The following LRP1B variants were observed in gnomAD, a reference collection of about 807,000 sequenced individuals.
The protein encoded by LRP1B is low-density lipoprotein receptor-related protein 1B.
Under a neutral mutation model 556.6 loss-of-function variants are expected in LRP1B, and 217 were observed. The ratio of observed to expected loss-of-function variants is 0.39; its 90% CI spans 0.35 to 0.44. The LOEUF is 0.44. Among genes scored for constraint, LRP1B ranks in the 20% least tolerant of loss-of-function variants. The probability of loss-of-function intolerance (pLI) is 1.00; values close to 1 mark genes in which losing one functional copy is unlikely to be tolerated. For missense variants in LRP1B, 5,053 were observed against 5,620.8 expected, an observed-to-expected ratio of 0.90 and a Z score of 3.23; for synonymous variants, 2,047 against 1,865.8, an observed-to-expected ratio of 1.10 and a Z score of -2.50.
At chr2:141,329,676 C>T (rs1687570652) in intron 3 of LRP1B, among the ~76,000 whole-genome samples, 1 of 119,260 alleles carries the variant, frequency 8.4e-6, no homozygotes, top group Admixed American at 7.8e-5. Context: ...CTATCTCTCT[C>T]TCTATCTATC....
At chr2:140,430,937 C>T (rs1434591231) in intron 66 of LRP1B, among the ~76,000 whole-genome samples, 1 of 152,158 alleles carries the variant, frequency 6.6e-6, no homozygotes, top group Admixed American at 6.6e-5. Context: ...CTCACATGCC[C>T]TGAGTCAGAA....
intron 72 of LRP1B, among the ~76,000 whole-genome samples, chr2:140,361,933 C>T (rs1682535527): frequency 6.6e-6 from 1 of 151,562 alleles, no homozygotes; most frequent in Non-Finnish European, 1.5e-5. Context: ...TCTTTACTTG[C>T]AAAACTGTTC....
At chr2:141,708,685 T>TGTCCTA (rs1692240641) in intron 2 of LRP1B, among the ~76,000 whole-genome samples, 1 of 81,622 alleles carries the variant, frequency 1.2e-5, no homozygotes, top group African/African-American at 5.2e-5. Context: ...TGTATTTTTA[T>TGTCCTA]GCATCAGAAT....
intron 1 of LRP1B, among the ~76,000 whole-genome samples, chr2:141,902,240 A>C (rs1420423013): frequency 6.6e-6 from 1 of 151,728 alleles, no homozygotes; most frequent in Non-Finnish European, 1.5e-5. Flanking sequence ...ATTTCCACAA[A>C]TTTGTCAATA....
intron 9 of LRP1B, among the ~76,000 whole-genome samples, chr2:141,055,921 A>T (rs1699168280): frequency 6.6e-6 from 1 of 151,608 alleles, no homozygotes; most frequent in African/African-American, 2.4e-5. Flanking sequence ...CTACTAAAGA[A>T]AAAAGGTAAG....
chr2:140,315,749 T>A (rs537052813), intron 82 of LRP1B, among the ~76,000 whole-genome samples: 7 of 152,200 alleles, frequency 4.6e-5, no homozygotes, highest in Non-Finnish European at 8.8e-5. Context: ...ATTTATAGCA[T>A]ATGCACACAC....
chr2:140,932,871 C>T (rs1440887310), intron 20 of LRP1B, among the ~76,000 whole-genome samples: 5 of 113,136 alleles, frequency 4.4e-5, no homozygotes, highest in African/African-American at 1.6e-4. Flanking sequence ...GTGAGACACT[C>T]TCTCTCTCTC....
chr2:141,681,482 A>G (rs1031021356), intron 2 of LRP1B, among the ~76,000 whole-genome samples: 2 of 148,160 alleles, frequency 1.3e-5, no homozygotes, highest in Non-Finnish European at 3.0e-5. Flanking sequence ...TCATCATTTT[A>G]TCATTCAATA....
chr2:141,108,406 T>A (rs1171866788), intron 7 of LRP1B, among the ~76,000 whole-genome samples: 3 of 129,848 alleles, frequency 2.3e-5, no homozygotes, highest in Non-Finnish European at 4.7e-5. Context: ...TGGAGTGCAA[T>A]GGCACAATCT....
intron 11 of LRP1B, among the ~76,000 whole-genome samples, chr2:141,046,669 T>C (rs1279769364): frequency 6.6e-6 from 1 of 152,114 alleles, no homozygotes; most frequent in Non-Finnish European, 1.5e-5. Flanking sequence ...GAACCACCAA[T>C]GTCCTTGATA....
chr2:141,100,529 T>C (rs2104937351), intron 7 of LRP1B, among the ~76,000 whole-genome samples: 1 of 152,320 alleles, frequency 6.6e-6, no homozygotes, highest in East Asian at 1.9e-4. Flanking sequence ...AAGAAGTTAT[T>C]CTTTCTTACC....
chr2:141,701,404 C>G (rs1691933926), intron 2 of LRP1B, among the ~76,000 whole-genome samples: 1 of 151,832 alleles, frequency 6.6e-6, no homozygotes, highest in African/African-American at 2.4e-5. Context: ...CTAAGCATCA[C>G]AAGAACAACT....
At chr2:142,120,115 T>TCTTG (rs57762000) in intron 1 of LRP1B, among the ~76,000 whole-genome samples, 81,205 of 151,856 alleles carry the variant, frequency 0.53, 22,148 homozygotes, top group East Asian at 0.69. Flanking sequence ...CTACAGGTTT[T>TCTTG]TTTGTTTGTT....
intron 1 of LRP1B, among the ~76,000 whole-genome samples, chr2:141,944,837 T>A (rs781705124): frequency 3.4e-4 from 51 of 152,098 alleles, no homozygotes; most frequent in Admixed American, 6.6e-4. Context: ...TGCCCTTTCT[T>A]CTCCCTCTAA....
chr2:141,294,572 A>T (rs1686109177), intron 3 of LRP1B, among the ~76,000 whole-genome samples: 1 of 151,664 alleles, frequency 6.6e-6, no homozygotes, highest in African/African-American at 2.4e-5. Context: ...AAAAAAAAAT[A>T]AAGTAAAATA....
At chr2:141,728,559 C>A (rs1693138549) in intron 2 of LRP1B, among the ~76,000 whole-genome samples, 1 of 152,070 alleles carries the variant, frequency 6.6e-6, no homozygotes, top group Admixed American at 6.6e-5. Flanking sequence ...AAACTGTAGA[C>A]TGAATCACCA....
At position 141,155,665 on chromosome 2, in the gene LRP1B, T is replaced by C. The variant is rs114450284; in HGVS notation, c.1013+32756A>G. Among the ~76,000 whole-genome samples, 481 of 152,030 alleles carry C rather than the reference T, an allele frequency of 3.2e-3. 2 individuals carry two copies. Among genetic ancestry groups the C allele is most frequent in the African/African-American group, 0.011 (457 of 41,500 alleles). ...TGAAACCCTAAGGAAAAATTGGATT[T>C]GCAGCTGCAAAGACAAATTTATTAC... is the stretch of plus-strand genomic sequence containing the variant. On this transcript the variant is annotated intron_variant, in intron 7 of 90. Transcript: ENST00000389484.
chr2:141,042,458 T>G (rs1698729936), intron 11 of LRP1B, among the ~76,000 whole-genome samples: 1 of 152,102 alleles, frequency 6.6e-6, no homozygotes, highest in Non-Finnish European at 1.5e-5. Flanking sequence ...AGTAATAAAC[T>G]GTACTTTGTC....
chr2:141,133,785 G>A (rs1701421924), intron 7 of LRP1B, among the ~76,000 whole-genome samples: 1 of 151,916 alleles, frequency 6.6e-6, no homozygotes, highest in South Asian at 2.1e-4. Flanking sequence ...AGAATGGATA[G>A]ATGAATAATT....
Sources: allele counts gnomAD v4.1 joint callset (sites outside exome capture counted in the v4.1 genomes callset), GRCh38; gene constraint gnomAD v4.1.1; transcripts MANE v1.5; gene names NCBI Gene and HGNC (gene_info 2026-07-23, HGNC 2026-07-21).